TCF20: variants seen among roughly 807,000 people sequenced by gnomAD.
The protein encoded by TCF20 is transcription factor 20, also known as SPRE-binding protein.
Under a neutral mutation model 148.6 loss-of-function variants are expected in TCF20, and 3 were observed. The ratio of observed to expected loss-of-function variants is 0.02; its 90% confidence interval spans 0.01 to 0.05. TCF20 has a LOEUF of 0.05. Among genes scored for constraint, TCF20 ranks in the 10% least tolerant of loss-of-function variants. The pLI is 1.00. For synonymous variants in TCF20, 1,049 were observed against 909.5 expected, an observed-to-expected ratio of 1.15 and a Z score of -2.76; for missense variants, 2,350 against 2,429.3, an observed-to-expected ratio of 0.97 and a Z score of 0.69.
intron 1 of TCF20, among the ~76,000 whole-genome samples, chr22:42,334,220 G>A (rs1928026656): frequency 6.6e-6 from 1 of 152,136 alleles, no homozygotes; most frequent in African/African-American, 2.4e-5. Flanking sequence ...CTGTCCTCAC[G>A]GCCCTTTAAT....
chr22:42,338,078 C>T lies in TCF20; in HGVS notation c.-37+5401G>A, dbSNP rs1928096672. On this transcript the variant is annotated intron_variant, in intron 1 of 1. Coordinates refer to the TCF20 transcript ENST00000515426. The surrounding 1 kb of genome is among the most constrained non-coding windows in gnomAD (Gnocchi z 4.0). ...GGGCCCCACCTGGGTCCAGTGGGGG[C>T]ATGCGTCCCAGGAAGAAAACCCTCT... Among the ~76,000 whole-genome samples the T allele has an allele frequency of 6.6e-6, 1 of 152,192 alleles. No individual in the cohort carries two copies. The highest frequency in any genetic ancestry group is 2.4e-5 in the African/African-American group (1 of 41,446).
chr22:42,161,972 CTTTTTTTTTTTTTTTT>C lies in TCF20; in HGVS notation c.*45-630_*45-615del, dbSNP rs3045573. ...GCCACCATGCTTGGCTAATGACAGTCTTTTTTTTTTTTTTTTTTTTTTTTTTTTGAGACAGTCTTGC... is the reference window on the plus strand; with the variant it reads ...GCCACCATGCTTGGCTAATGACAGTCTTTTTTTTTTTTGAGACAGTCTTGC... On this transcript the variant is annotated intron_variant, in intron 5 of 5. Transcript: ENST00000677622. Among the ~76,000 whole-genome samples the C allele has an allele frequency of 2.5e-3, 188 of 75,032 alleles. 2 individuals carry two copies. Among genetic ancestry groups the C allele is most frequent in the African/African-American group, 6.2e-3 (97 of 15,670 alleles). The allele number at this position is 75,032 out of a possible 152,430, so 49.2% of individuals were successfully genotyped here.
chr22:42,212,421 C>T lies in TCF20; in HGVS notation c.2885G>A (p.Arg962His), dbSNP rs751288224. Reference sequence around the variant, plus strand: ...TGCTGCTCCAGGGCTGGCATTGCCGCGGTAAGACTCATGCTTGATGCTAGG... The same window carrying T: ...TGCTGCTCCAGGGCTGGCATTGCCGTGGTAAGACTCATGCTTGATGCTAGG... Reference protein sequence around the residue: ...HPPSIKHESYRGNASPGAATH... With the variant: ...HPPSIKHESYHGNASPGAATH... The change falls in exon 2 of 6, where the codon CGC becomes CAC. Residue 962 changes from arginine to histidine, a missense_variant. By Grantham distance (29) the Arg-to-His change is conservative (BLOSUM62 0). Coordinates refer to ENST00000677622, the MANE Select transcript of TCF20 (RefSeq NM_001378418.1). 35 of 1,614,084 alleles carry T rather than the reference C, an allele frequency of 2.2e-5. No homozygotes were observed. Among genetic ancestry groups the T allele is most frequent in the African/African-American group, 5.3e-5 (4 of 74,934 alleles).
chr22:42,180,157 T>C (rs930482412), intron 2 of TCF20, among the ~76,000 whole-genome samples: 1 of 152,184 alleles, frequency 6.6e-6, no homozygotes, highest in African/African-American at 2.4e-5. Context: ...CTTTTAGAAT[T>C]AGAAGTGGAA....
chr22:42,233,109 C>G (rs1172266558), intron 1 of TCF20, among the ~76,000 whole-genome samples: 1 of 151,960 alleles, frequency 6.6e-6, no homozygotes, highest in African/African-American at 2.4e-5. Flanking sequence ...TTAGTAGAGG[C>G]GAGGTTTTAA....
At chr22:42,269,213 T>A (rs897329877) in intron 1 of TCF20, among the ~76,000 whole-genome samples, 1 of 152,122 alleles carries the variant, frequency 6.6e-6, no homozygotes, top group Non-Finnish European at 1.5e-5. Flanking sequence ...AAGGGTCCAA[T>A]TATCATTCAA....
Position 42,338,325 on chromosome 22 carries a change from T to A in TCF20, c.-37+5154A>T, listed in dbSNP as rs138090494. ...GAAACTACACGTGCTGGGTGTGTAATAACGGGTTAACCATCACCCCTGGCA... is the reference window on the plus strand; with the variant it reads ...GAAACTACACGTGCTGGGTGTGTAAAAACGGGTTAACCATCACCCCTGGCA... On this transcript the variant is annotated intron_variant, in intron 1 of 1. Coordinates refer to the TCF20 transcript ENST00000515426. The surrounding 1 kb of genome is among the most constrained non-coding windows in gnomAD (Gnocchi z 4.0). Among the ~76,000 whole-genome samples the A allele has an allele frequency of 6.8e-4, 104 of 152,260 alleles. No individual in the cohort carries two copies. The highest frequency in any genetic ancestry group is 2.4e-3 in the African/African-American group (100 of 41,542).
chr22:42,325,906 C>G (rs1033259943), intron 1 of TCF20, among the ~76,000 whole-genome samples: 1 of 152,194 alleles, frequency 6.6e-6, no homozygotes. Flanking sequence ...TTCAGAGGCA[C>G]AGGTACTGCT....
chr22:42,298,306 TAGGTGA>T (rs1373484034), intron 1 of TCF20, among the ~76,000 whole-genome samples: 1 of 151,694 alleles, frequency 6.6e-6, no homozygotes, highest in African/African-American at 2.4e-5. Flanking sequence ...GGAGAGAGGG[TAGGTGA>T]AGGTGGGCAC....
At chr22:42,219,169 AG>A (rs1391868812) in intron 1 of TCF20, among the ~76,000 whole-genome samples, 1 of 151,504 alleles carries the variant, frequency 6.6e-6, no homozygotes, top group African/African-American at 2.4e-5. Flanking sequence ...GGATCGCTTG[AG>A]GTCAGGAGTT....
chr22:42,266,245 A>G (rs902248930), intron 1 of TCF20, among the ~76,000 whole-genome samples: 8 of 152,170 alleles, frequency 5.3e-5, no homozygotes, highest in African/African-American at 1.9e-4. Context: ...CATTAGCTCT[A>G]CCAGCTCTCA....
intron 1 of TCF20, among the ~76,000 whole-genome samples, chr22:42,303,469 T>A (rs1927375163): frequency 6.6e-6 from 1 of 152,252 alleles, no homozygotes; most frequent in East Asian, 1.9e-4. Flanking sequence ...GCAGTCGAGC[T>A]CTGTAACCTG....
intron 1 of TCF20, among the ~76,000 whole-genome samples, chr22:42,301,337 G>GGA (rs981472096): frequency 2.0e-5 from 3 of 152,226 alleles, no homozygotes; most frequent in African/African-American, 7.2e-5. Context: ...GGGAGACAGA[G>GGA]GAGAGCCAGA....
In TCF20 at chr22:42,210,503, T is replaced by C. The variant is rs1235293893; in HGVS notation, c.4803A>G (p.Ala1601=). 3 of 1,614,224 alleles carry C rather than the reference T, an allele frequency of 1.9e-6. No individual in the cohort carries two copies. The highest frequency in any genetic ancestry group is 2.2e-5 in the South Asian group (2 of 91,086). The change falls in exon 2 of 6, where the codon GCA becomes GCG. Residue 1601 remains alanine, a synonymous_variant. Coordinates refer to ENST00000677622, the MANE Select transcript of TCF20 (RefSeq NM_001378418.1). This position sits in a 1 kb window ranked among gnomAD's most constrained non-coding sequence, Gnocchi z 4.7. Reference sequence around the variant, plus strand: ...GTTCTTGGGGTTCCACAATGGGAACTGCTTGTTTGGTTTTTCGCTTCCTCG... The same window carrying C: ...GTTCTTGGGGTTCCACAATGGGAACCGCTTGTTTGGTTTTTCGCTTCCTCG... ...AQPRKRKTKQ[A]VPIVEPQEPE...
intron 1 of TCF20, among the ~76,000 whole-genome samples, chr22:42,309,709 A>G (rs976387208): frequency 1.3e-5 from 2 of 152,118 alleles, no homozygotes; most frequent in Non-Finnish European, 2.9e-5. Flanking sequence ...CTCAGCTCAG[A>G]CTTCTTTCCT....
At chr22:42,308,305 A>G (rs764756114) in intron 1 of TCF20, among the ~76,000 whole-genome samples, 7 of 152,084 alleles carry the variant, frequency 4.6e-5, no homozygotes, top group African/African-American at 7.2e-5. Context: ...GAAAATGTTC[A>G]CCAGCCTAGA....
intron 3 of TCF20, among the ~76,000 whole-genome samples, chr22:42,170,528 T>C (rs1254409411): frequency 6.9e-6 from 1 of 145,098 alleles, no homozygotes; most frequent in Non-Finnish European, 1.5e-5. Context: ...CTTGGGAGGC[T>C]GAGGCAGGAG....
At chr22:42,277,068 A>C (rs1926795811) in intron 1 of TCF20, 2 of 152,202 alleles carry the variant, frequency 1.3e-5, no homozygotes, top group Non-Finnish European at 2.9e-5. Flanking sequence ...TTGCTTCTCC[A>C]AACCTTCTCT....
intron 1 of TCF20, among the ~76,000 whole-genome samples, chr22:42,306,452 A>T (rs983279390): frequency 6.6e-6 from 1 of 152,190 alleles, no homozygotes; most frequent in Non-Finnish European, 1.5e-5. Flanking sequence ...AGGGACTTCT[A>T]AACTGGGGAA....
Sources: allele counts gnomAD v4.1 joint callset (sites outside exome capture counted in the v4.1 genomes callset), GRCh38; gene constraint gnomAD v4.1.1; non-coding constraint Gnocchi (gnomAD v3.1); transcripts MANE v1.5; gene names NCBI Gene and HGNC (gene_info 2026-07-23, HGNC 2026-07-21).